MS4A1: variants seen among roughly 807,000 people sequenced by gnomAD.
MS4A1 encodes the protein B-lymphocyte antigen CD20.
In MS4A1, 16 loss-of-function variants were observed where a neutral mutation model predicts 26.5. The ratio of observed to expected loss-of-function variants is 0.60; its 90% CI spans 0.41 to 0.92. MS4A1 has a LOEUF of 0.92. Ranked by LOEUF, MS4A1 falls within the 40% of genes least tolerant of loss-of-function variation. MS4A1 has a pLI of 0.00. For synonymous variants in MS4A1, 128 were observed against 117.6 expected (o/e 1.09, Z -0.57); for missense variants, 350 against 353.0 (o/e 0.99, Z 0.07).
chr11:60,458,065 G>C (rs2086218426), intron 1 of MS4A1: 1 of 152,218 alleles, frequency 6.6e-6, no homozygotes, highest in Non-Finnish European at 1.5e-5. Flanking sequence ...CACAAGAGGA[G>C]CAAGCAAGAG....
At position 60,466,064 on chromosome 11, in the gene MS4A1, A is replaced by G. The variant is rs778420018; in HGVS notation, c.480A>G (p.Pro160=). The G allele has an allele frequency of 3.1e-6, 5 of 1,613,974 alleles. No individual in the cohort carries two copies. Among genetic ancestry groups the G allele is most frequent in the African/African-American group, 1.3e-5 (1 of 75,054 alleles). Residue 160 remains proline (P), a synonymous_variant, in exon 6 of 8, where the codon CCA becomes CCG. Coordinates refer to ENST00000345732, the MANE Select transcript of MS4A1 (RefSeq NM_152866.3). ...TGAATTTTATTAGAGCTCACACACC[A>G]TATATTAACATATACAACTGTGAAC... ...ESLNFIRAHT[P]YINIYNCEPA...
In MS4A1 at chr11:60,462,507, T is replaced by C. The variant is rs1299992924; in HGVS notation, c.133T>C (p.Phe45Leu). 2.5e-6 allele frequency: 4 copies of C among 1,614,068 alleles called. No individual in the cohort carries two copies. The highest frequency in any genetic ancestry group is 2.5e-6 in the Non-Finnish European group (3 of 1,180,036). ...ACTGGTGGGCCCCACGCAAAGCTTCTTCATGAGGGAATCTAAGACTTTGGG... is the reference window on the plus strand; with the variant it reads ...ACTGGTGGGCCCCACGCAAAGCTTCCTCATGAGGGAATCTAAGACTTTGGG... The part of the protein sequence containing the change: ...SSLVGPTQSF[F>L]MRESKTLGAV... The change falls in exon 3 of 8, where the codon TTC becomes CTC. Residue 45 changes from phenylalanine to leucine, a missense_variant. Phe to Leu is a conservative substitution (Grantham distance 22, BLOSUM62 0). Transcript: ENST00000345732.
In MS4A1 at chr11:60,468,192, G is replaced by A. The variant is rs2086310538; in HGVS notation, c.676-58G>A. On this transcript the variant is annotated intron_variant, in intron 7 of 7. Coordinates refer to ENST00000345732, the MANE Select transcript of MS4A1 (RefSeq NM_152866.3). ...TATTTGATAAATGTTTGTGGAGATT[G>A]TTGACAAAGGTGTCAGTGGTAAAAG... is the stretch of plus-strand genomic sequence containing the variant. 9.1e-6 allele frequency: 12 copies of A among 1,325,068 alleles called. No homozygotes were observed. In the South Asian group the frequency reaches 1.1e-4, roughly 13 times the overall value. 82.1% of individuals were successfully genotyped at this position (1,325,068 alleles called of 1,614,324 possible). A position where few individuals can be genotyped will look rare whatever the true frequency, so the allele number is the denominator to read the frequency against.
chr11:60,464,075 T>C (rs1257362773), intron 4 of MS4A1: 1 of 588,266 alleles, frequency 1.7e-6, no homozygotes, highest in African/African-American at 1.9e-5. Flanking sequence ...GTAAAAGGCA[T>C]GAATTTAGTG....
In MS4A1 at chr11:60,458,592, A is replaced by G. The variant is rs892438247; in HGVS notation, c.-279-2480A>G. Among the ~76,000 whole-genome samples the G allele has an allele frequency of 2.0e-5, 3 of 152,224 alleles. 1 individual carries two copies. Among genetic ancestry groups the G allele is most frequent in the Non-Finnish European group, 4.4e-5 (3 of 68,038 alleles). On this transcript the variant is annotated intron_variant, in intron 1 of 7. Transcript: ENST00000345732. ...GCGGCTAATGTGGTCCATAACCCCT[A>G]CTAATCTACCAACTAGTCTTTGAGC...
chr11:60,467,129 A>T, intron 7 of MS4A1, 69 bp downstream of exon 7: 1 of 1,297,772 alleles, frequency 7.7e-7, no homozygotes, highest in Non-Finnish European at 1.1e-6. Flanking sequence ...TCATTTATGG[A>T]GAATGTAATC....
chr11:60,462,283 A>T lies in MS4A1; in HGVS notation c.-92A>T. On this transcript the variant is annotated 5_prime_UTR_variant, in exon 3 of 8. The change creates a premature stop within an existing upstream ORF in the 5' untranslated region. Coordinates refer to ENST00000345732, the MANE Select transcript of MS4A1 (RefSeq NM_152866.3). ...GGAGGAAATGCTGAGAGAAGCATTCAGATGCATGACACAAGGTAAGACTGC... is the reference window on the plus strand; with the variant it reads ...GGAGGAAATGCTGAGAGAAGCATTCTGATGCATGACACAAGGTAAGACTGC... 1 of 1,339,990 alleles carries T rather than the reference A, an allele frequency of 7.5e-7. No homozygotes were observed. The allele number at this position is 1,339,990 out of a possible 1,614,324, so 83.0% of individuals were successfully genotyped here.
rs201354938 is a variant in MS4A1 at position 60,462,444 on chromosome 11, C to A, written c.70C>A (p.Gln24Lys). 3 of 1,614,194 alleles carry A rather than the reference C, an allele frequency of 1.9e-6. No homozygotes were observed. The highest frequency in any genetic ancestry group is 1.7e-5 in the Admixed American group (1 of 60,028). ...GCCAATGAAAGGCCCTATTGCTATG[C>A]AATCTGGTCCAAAACCACTCTTCAG... ...AEPMKGPIAMQSGPKPLFRRM... is the reference protein window; with the variant it reads ...AEPMKGPIAMKSGPKPLFRRM... Residue 24 changes from glutamine to lysine, a missense_variant, in exon 3 of 8, where the codon CAA (glutamine) becomes AAA (lysine). Physicochemically the swap from Gln to Lys is moderately conservative, Grantham distance 53. Transcript: ENST00000345732.
At chr11:60,458,893 A>G (rs1232071143) in intron 1 of MS4A1, among the ~76,000 whole-genome samples, 2 of 152,220 alleles carry the variant, frequency 1.3e-5, no homozygotes, top group African/African-American at 4.8e-5. Context: ...GTTTCTTTAT[A>G]AACTACTATT....
At chr11:60,468,121 T>C in intron 7 of MS4A1, 129 bp from the exon 8 acceptor site, 1 of 882,958 alleles carries the variant, frequency 1.1e-6, no homozygotes, top group Non-Finnish European at 1.7e-6. Context: ...ATTTTGGCAT[T>C]TAAAGGCATA....
chr11:60,463,109 G>C lies in MS4A1; in HGVS notation c.267G>C (p.Trp89Cys), dbSNP rs1277858348. ...GTGTGACTGTGTGGTACCCTCTCTG[G>C]GGAGGCATTATGGTGAGTAAAAGAA... ...PICVTVWYPL[W>C]GGIMYIISGS... is the part of the protein sequence containing the mutation. The change falls in exon 4 of 8, where the codon TGG becomes TGC. Residue 89 changes from tryptophan to cysteine, a missense_variant. By Grantham distance (215) the Trp-to-Cys change is radical. Transcript: ENST00000345732. 6.2e-7 allele frequency: 1 copy of C among 1,614,160 alleles called. No homozygotes were observed. The highest frequency in any genetic ancestry group is 1.7e-5 in the Admixed American group (1 of 60,028).
intron 1 of MS4A1, among the ~76,000 whole-genome samples, chr11:60,459,257 A>T (rs1477363755): frequency 6.6e-6 from 1 of 152,164 alleles, no homozygotes; most frequent in Admixed American, 6.5e-5. Context: ...TTGCCATAGG[A>T]CCTTGGGAAA....
intron 1 of MS4A1, among the ~76,000 whole-genome samples, chr11:60,460,681 C>T (rs1370199686): frequency 2.6e-5 from 4 of 151,888 alleles, no homozygotes; most frequent in South Asian, 4.1e-4. Context: ...CAGTGGAGTC[C>T]GCATAAGTGG....
At chr11:60,467,338 C>T (rs1034458260) in intron 7 of MS4A1, among the ~76,000 whole-genome samples, 7 of 146,332 alleles carry the variant, frequency 4.8e-5, no homozygotes, top group South Asian at 2.1e-4. Context: ...AGTGCAATGG[C>T]GCGATCTTGG....
chr11:60,464,101 A>G, intron 4 of MS4A1, 187 bp from the exon 5 acceptor site: 2 of 608,824 alleles, frequency 3.3e-6, no homozygotes, highest in Non-Finnish European at 2.9e-6. Context: ...GAGCCTGAAT[A>G]AAGGAGGAAT....
chr11:60,464,435 C>T (rs1261363250), intron 5 of MS4A1, 91 bp downstream of exon 5: 1 of 1,087,318 alleles, frequency 9.2e-7, no homozygotes, highest in East Asian at 2.4e-5. Flanking sequence ...GCCAAGGTAT[C>T]ACAGCCTCTC....
At chr11:60,463,826 C>T (rs757430974) in intron 4 of MS4A1, 11 of 455,508 alleles carry the variant, frequency 2.4e-5, no homozygotes, top group Non-Finnish European at 1.3e-5. Flanking sequence ...CCAATGTTTT[C>T]ATGGAGTGCC....
intron 4 of MS4A1, chr11:60,463,785 G>A (rs1265447540): frequency 1.1e-5 from 5 of 455,684 alleles, no homozygotes; most frequent in Admixed American, 9.4e-5. Context: ...AAAGGAAGAT[G>A]AGCAATAGTC....
At position 60,468,773 on chromosome 11, in the gene MS4A1, A is replaced by ATT. The variant is rs34273920; in HGVS notation, c.*313_*314dup. ...CCTTGGATAGGCTTTTTAGTATAGTATTTTTTTTTGTCATTTTCTCCATCA... is the reference window on the plus strand; with the variant it reads ...CCTTGGATAGGCTTTTTAGTATAGTATTTTTTTTTTTGTCATTTTCTCCATCA... On this transcript the variant is annotated 3_prime_UTR_variant, in exon 8 of 8. Coordinates refer to ENST00000345732, the MANE Select transcript of MS4A1 (RefSeq NM_152866.3). 1.1e-4 allele frequency: 34 copies of ATT among 314,224 alleles called. No individual in the cohort carries two copies. The highest frequency in any genetic ancestry group is 1.9e-4 in the Admixed American group (4 of 20,978). 19.5% of individuals were successfully genotyped at this position (314,224 alleles called of 1,614,324 possible). A position where few individuals can be genotyped will look rare whatever the true frequency, so the allele number is the denominator to read the frequency against.
Sources: gnomAD v4.1 joint callset for allele counts (sites outside exome capture counted in the v4.1 genomes callset) on GRCh38, gnomAD v4.1.1 for gene constraint, MANE v1.5 for transcripts, NCBI Gene and HGNC (gene_info 2026-07-23, HGNC 2026-07-21) for gene names.